Variants in SART3 observed in about 807,000 individuals in gnomAD.
The protein encoded by SART3 is HIV-1 Tat-interacting protein of 110kDa.
Under a neutral mutation model 122.3 loss-of-function variants are expected in SART3, and 44 were observed. The ratio of observed to expected loss-of-function variants is 0.36; its 90% CI spans 0.28 to 0.46. SART3 has a LOEUF of 0.46. SART3 is among the 20% of genes least tolerant of loss of function. The pLI, the probability that SART3 is intolerant of heterozygous loss-of-function variation, is 1.00. For synonymous variants in SART3, 442 were observed against 454.0 expected, an observed-to-expected ratio of 0.97 and a Z score of 0.34; for missense variants, 1,101 against 1,229.0, an observed-to-expected ratio of 0.90 and a Z score of 1.56.
At chr12:108,545,082 C>T (rs553953813) in intron 4 of SART3, 57 bp downstream of exon 4, 25 of 1,508,836 alleles carry the variant, frequency 1.7e-5, no homozygotes, top group African/African-American at 1.5e-4. Flanking sequence ...AATAATCCTT[C>T]CAAGGAGACT....
intron 8 of SART3, 156 bp from the exon 9 acceptor site, chr12:108,537,751 T>C: frequency 1.4e-6 from 1 of 728,218 alleles, no homozygotes; most frequent in Non-Finnish European, 2.4e-6. Context: ...AGACAGAAGT[T>C]GCTACAGCAC....
chr12:108,545,251 A>T lies in SART3; in HGVS notation c.617T>A (p.Val206Asp). Residue 206 changes from valine (V) to aspartate (D), a missense_variant, in exon 4 of 19, where the codon GTT becomes GAT. Transcript: ENST00000546815. The part of the protein sequence containing the change: ...GIGQKGGLEK[V>D]RSVFERALSS... ...GAGAGCCCTTTCAAACACGGAGCGAACTTTCTCAAGGCCACCTTTCTGACC... is the reference window on the plus strand; with the variant it reads ...GAGAGCCCTTTCAAACACGGAGCGATCTTTCTCAAGGCCACCTTTCTGACC... 6.2e-7 allele frequency: 1 copy of T among 1,614,162 alleles called. No individual in the cohort carries two copies. Among genetic ancestry groups the T allele is most frequent in the Non-Finnish European group, 8.5e-7 (1 of 1,180,022 alleles).
At chr12:108,550,320 G>A (rs1227124376) in intron 1 of SART3, among the ~76,000 whole-genome samples, 8 of 152,198 alleles carry the variant, frequency 5.3e-5, no homozygotes, top group Admixed American at 2.6e-4. Flanking sequence ...CGGGAACTAC[G>A]ACAGATTATC....
chr12:108,556,635 G>A (rs1246861355), intron 1 of SART3, among the ~76,000 whole-genome samples: 1 of 152,178 alleles, frequency 6.6e-6, no homozygotes, highest in Non-Finnish European at 1.5e-5. Context: ...CACTTGTTCT[G>A]TTTCCTCATC....
chr12:108,537,383 A>T, intron 9 of SART3, 105 bp downstream of exon 9: 2 of 826,174 alleles, frequency 2.4e-6, no homozygotes, highest in Non-Finnish European at 4.2e-6. Flanking sequence ...TACCTAGTCT[A>T]CATCATTTGC....
Position 108,549,098 on chromosome 12 carries a change from G to A in SART3, c.429C>T (p.Pro143=), listed in dbSNP as rs1204534751. Residue 143 remains proline (P), a synonymous_variant, in exon 2 of 19, where the codon CCC becomes CCT. Coordinates refer to ENST00000546815, the MANE Select transcript of SART3 (RefSeq NM_014706.4). ...MARQKMSEIF[P]LTEELWLEWL... is the part of the protein sequence containing the mutation. ...ACTGCTGAAGCTTACCTTCAGTCAA[G>A]GGAAAGATTTCACTCATCTTCTGGC... 4 of 1,614,000 alleles carry A rather than the reference G, an allele frequency of 2.5e-6. No homozygotes were observed. The highest frequency in any genetic ancestry group is 2.7e-5 in the African/African-American group (2 of 74,938).
chr12:108,544,581 T>C (rs775198026), intron 4 of SART3, 103 bp from the exon 5 acceptor site: 1 of 1,546,912 alleles, frequency 6.5e-7, no homozygotes, highest in Non-Finnish European at 8.9e-7. Context: ...TCTTTCTTTT[T>C]CTTTTGAGAA....
intron 16 of SART3, 49 bp from the exon 17 acceptor site, chr12:108,525,658 C>G (rs1352080300): frequency 6.3e-7 from 1 of 1,592,476 alleles, no homozygotes. Context: ...AGGCATGACC[C>G]AGCTCACCTG....
At chr12:108,528,555 G>A (rs12425496) in intron 15 of SART3, among the ~76,000 whole-genome samples, 29,910 of 151,286 alleles carry the variant, frequency 0.2, 3,815 homozygotes, top group East Asian at 0.48. Context: ...GCAGTGGTGC[G>A]GGATGCTAGA....
chr12:108,525,362 G>A, intron 17 of SART3, 95 bp downstream of exon 17: 1 of 1,325,956 alleles, frequency 7.5e-7, no homozygotes, highest in Non-Finnish European at 1.1e-6. Flanking sequence ...GACAAACTAG[G>A]AACCCATTCT....
intron 1 of SART3, among the ~76,000 whole-genome samples, chr12:108,557,206 GTTTTTTT>G (rs71076787): frequency 6.0e-5 from 5 of 82,928 alleles, no homozygotes; most frequent in Non-Finnish European, 8.5e-5. Flanking sequence ...TAATGACATA[GTTTTTTT>G]TTTTTTTTTT....
rs371204907 is a variant in SART3 at position 108,530,155 on chromosome 12, G to A, written c.1902C>T (p.Gly634=). ...AGAGCTCCTTACCTTCTTCATCATC[G>A]CCCCACTCTTTCTCATCATCCTCAT... ...GADEDDEKEW[G]DDEEEQPSKR... The change falls in exon 15 of 19, where the codon GGC becomes GGT. Residue 634 remains glycine (G), a synonymous_variant. Transcript: ENST00000546815. 3.4e-5 allele frequency: 55 copies of A among 1,613,818 alleles called. No individual in the cohort carries two copies. In the African/African-American group the frequency reaches 6.0e-4, roughly 18 times the overall value.
At chr12:108,529,080 C>G (rs1872529927) in intron 15 of SART3, among the ~76,000 whole-genome samples, 1 of 151,878 alleles carries the variant, frequency 6.6e-6, no homozygotes, top group African/African-American at 2.4e-5. Context: ...CCAAGATCAC[C>G]CCACTGCACT....
At chr12:108,534,763 G>GA (rs1193534583) in intron 12 of SART3, among the ~76,000 whole-genome samples, 2 of 151,950 alleles carry the variant, frequency 1.3e-5, no homozygotes, top group East Asian at 1.9e-4. Flanking sequence ...TTTAAATAGG[G>GA]AAAAAATCTT....
chr12:108,541,542 CTT>C (rs951648977), intron 6 of SART3, among the ~76,000 whole-genome samples: 1 of 149,330 alleles, frequency 6.7e-6, no homozygotes, highest in Non-Finnish European at 1.5e-5. Context: ...GGGTCAAAGA[CTT>C]TTTTTTTTGA....
At chr12:108,553,410 G>A (rs776563887) in intron 1 of SART3, among the ~76,000 whole-genome samples, 1 of 152,154 alleles carries the variant, frequency 6.6e-6, no homozygotes, top group Non-Finnish European at 1.5e-5. Context: ...TCTTACAAGT[G>A]CATGGAAATC....
At chr12:108,549,046 C>T (rs2029886899) in intron 2 of SART3, 42 bp downstream of exon 2, 1 of 1,613,616 alleles carries the variant, frequency 6.2e-7, no homozygotes, top group Non-Finnish European at 8.5e-7. Flanking sequence ...ATGTGCAAGC[C>T]TTGTTTCTGT....
chr12:108,529,302 C>G (rs752250680), intron 15 of SART3, among the ~76,000 whole-genome samples: 1 of 152,058 alleles, frequency 6.6e-6, no homozygotes, highest in African/African-American at 2.4e-5. Flanking sequence ...CACACGCACA[C>G]GCACACACAC....
chr12:108,537,503 C>G lies in SART3; in HGVS notation c.1294G>C (p.Val432Leu). 1 of 1,613,088 alleles carries G rather than the reference C, an allele frequency of 6.2e-7. No individual in the cohort carries two copies. The highest frequency in any genetic ancestry group is 8.5e-7 in the Non-Finnish European group (1 of 1,179,050). The change falls in exon 9 of 19, where the codon GTT becomes CTT. Residue 432 changes from valine to leucine, a missense_variant. Physicochemically the swap from Val to Leu is conservative, Grantham distance 32. Around this residue, in one of 2 missense-constraint regions of SART3, gnomAD observed 885 missense variants for 1,080.1 expected, o/e 0.82. Coordinates refer to ENST00000546815, the MANE Select transcript of SART3 (RefSeq NM_014706.4). ...GCTTAAATACCTTGTTTGAAATCAA[C>G]CCTTCTCCTCAGGTAATCAAGGTAT... ...QAYLDYLRRRVDFKQDSSKEL... is the reference protein window; with the variant it reads ...QAYLDYLRRRLDFKQDSSKEL...
Sources: gnomAD v4.1 joint callset for allele counts (sites outside exome capture counted in the v4.1 genomes callset) on GRCh38, gnomAD v4.1.1 for gene constraint, gnomAD v4.1.1 regional missense constraint, MANE v1.5 for transcripts, NCBI Gene and HGNC (gene_info 2026-07-23, HGNC 2026-07-21) for gene names.